Variants in BRSK1 observed in about 807,000 individuals in gnomAD.
BRSK1 encodes serine/threonine-protein kinase BRSK1.
BRSK1 carries 17 observed loss-of-function variants against 86.2 expected under a neutral mutation model. That is an observed-to-expected ratio of 0.20 (90% confidence interval 0.14 to 0.30). The LOEUF (loss-of-function observed/expected upper bound fraction) is 0.30. Among genes scored for constraint, BRSK1 ranks in the 10% least tolerant of loss-of-function variants. The pLI is 1.00. For missense variants in BRSK1, 719 were observed against 1,071.9 expected, an observed-to-expected ratio of 0.67 and a Z score of 4.60; for synonymous variants, 464 against 440.1, an observed-to-expected ratio of 1.05 and a Z score of -0.68.
chr19:55,296,234 C>T (rs1178652822), intron 7 of BRSK1, among the ~76,000 whole-genome samples: 1 of 152,052 alleles, frequency 6.6e-6, no homozygotes, highest in Non-Finnish European at 1.5e-5. Flanking sequence ...CATTTTGTTG[C>T]CTAATTCGTT....
rs1009474954 is a variant in BRSK1 at position 55,303,514 on chromosome 19, G to C, written c.1126+106G>C. On this transcript the variant is annotated intron_variant, in intron 11 of 18. Transcript: ENST00000309383. This position sits in a 1 kb window ranked among gnomAD's most constrained non-coding sequence, Gnocchi z 5.1. ...GGAAAGAAGGGGCTGCAGGCTCTGA[G>C]CTTCCAGCTTTAGACTGCTTGACTT... 140 of 1,483,904 alleles carry C rather than the reference G, an allele frequency of 9.4e-5. 1 individual carries two copies. The highest frequency in any genetic ancestry group is 8.8e-4 in the Middle Eastern group (5 of 5,708). 91.9% of individuals were successfully genotyped at this position (1,483,904 alleles called of 1,614,324 possible).
chr19:55,311,819 G>A (rs1016414811), intron 18 of BRSK1, 92 bp from the exon 19 acceptor site: 94 of 1,370,818 alleles, frequency 6.9e-5, no homozygotes, highest in Middle Eastern at 1.8e-4. Context: ...TACTGAGACC[G>A]ACTGATGAGG....
chr19:55,291,851 C>G (rs2088411368), intron 4 of BRSK1, among the ~76,000 whole-genome samples: 1 of 152,222 alleles, frequency 6.6e-6, no homozygotes, highest in African/African-American at 2.4e-5. Context: ...CTCCACCTCC[C>G]AGGTTCGAGC....
chr19:55,294,469 C>T lies in BRSK1; in HGVS notation c.678+72C>T. ...GGTGGGAGCATAGGACAGTACCTTC[C>T]ATCCTCAGGTCATCTCCTGAATTTA... is the stretch of plus-strand genomic sequence containing the variant. On this transcript the variant is annotated intron_variant, in intron 7 of 18. Coordinates refer to ENST00000309383, the MANE Select transcript of BRSK1 (RefSeq NM_032430.2). This position sits in a 1 kb window ranked among gnomAD's most constrained non-coding sequence, Gnocchi z 4.9. The T allele has an allele frequency of 6.7e-7, 1 of 1,490,390 alleles. No individual in the cohort carries two copies. The highest frequency in any genetic ancestry group is 1.4e-5 in the African/African-American group (1 of 71,800). 92.3% of individuals were successfully genotyped at this position (1,490,390 alleles called of 1,614,324 possible). A position where few individuals can be genotyped will look rare whatever the true frequency, so the allele number is the denominator to read the frequency against.
chr19:55,309,617 A>G lies in BRSK1; in HGVS notation c.2179+889A>G, dbSNP rs545689031. On this transcript the variant is annotated intron_variant, in intron 18 of 18. Coordinates refer to ENST00000309383, the MANE Select transcript of BRSK1 (RefSeq NM_032430.2). Reference sequence around the variant, plus strand: ...GGGAACTCTCTGGGGCCTCTTTCCTAAGGACACTAATCCCATTCATGAAGG... The same window carrying G: ...GGGAACTCTCTGGGGCCTCTTTCCTGAGGACACTAATCCCATTCATGAAGG... Among the ~76,000 whole-genome samples the G allele has an allele frequency of 3.3e-5, 5 of 152,254 alleles. No homozygotes were observed. The East Asian group carries it at 9.7e-4, about 29-fold the overall frequency.
At position 55,306,285 on chromosome 19, in the gene BRSK1, A is replaced by G; in HGVS notation, c.1924A>G (p.Thr642Ala). ...CCTGAGTCACAGTGTGCTGTCACAG[A>G]CCAGCTTCAGGGCCGAGTACAAGGC... ...PSLSHSVLSQTSFRAEYKASG... is the reference protein window; with the variant it reads ...PSLSHSVLSQASFRAEYKASG... The change falls in exon 17 of 19, where the codon ACC (threonine) becomes GCC (alanine). Residue 642 changes from threonine (T) to alanine (A), a missense_variant. Coordinates refer to ENST00000309383, the MANE Select transcript of BRSK1 (RefSeq NM_032430.2). This position sits in a 1 kb window ranked among gnomAD's most constrained non-coding sequence, Gnocchi z 4.7. 2 of 1,614,084 alleles carry G rather than the reference A, an allele frequency of 1.2e-6. No homozygotes were observed. Among genetic ancestry groups the G allele is most frequent in the Non-Finnish European group, 1.7e-6 (2 of 1,180,030 alleles).
Position 55,301,953 on chromosome 19 carries a change from G to C in BRSK1, c.826-184G>C, listed in dbSNP as rs139235128. 6.7e-5 allele frequency: 57 copies of C among 852,280 alleles called. No individual in the cohort carries two copies. The East Asian group carries it at 1.3e-3, about 20-fold the overall frequency. 52.8% of individuals were successfully genotyped at this position (852,280 alleles called of 1,614,324 possible). ...ATGCGGCCGGTCCGGGGTACACGGA[G>C]ACCGCGCGTGCGCGGGGCGATGCAC... On this transcript the variant is annotated intron_variant, in intron 8 of 18. Transcript: ENST00000309383.
At position 55,294,998 on chromosome 19, in the gene BRSK1, C is replaced by T. The variant is rs1360703954; in HGVS notation, c.678+601C>T. ...TGTATCTTTAGTAGAGACGGGGTTT[C>T]ACCATGTTGGCCAGGTTGGTTTCGA... On this transcript the variant is annotated intron_variant, in intron 7 of 18. Coordinates refer to ENST00000309383, the MANE Select transcript of BRSK1 (RefSeq NM_032430.2). This position sits in a 1 kb window ranked among gnomAD's most constrained non-coding sequence, Gnocchi z 4.9. Among the ~76,000 whole-genome samples the T allele has an allele frequency of 1.3e-5, 2 of 152,170 alleles. No individual in the cohort carries two copies. Among genetic ancestry groups the T allele is most frequent in the Non-Finnish European group, 2.9e-5 (2 of 68,024 alleles).
rs377470339 is a variant in BRSK1 at position 55,294,125 on chromosome 19, C to T, written c.567C>T (p.Thr189=). The change falls in exon 5 of 19, where the codon ACC becomes ACT. Residue 189 remains threonine, a synonymous_variant. Coordinates refer to ENST00000309383, the MANE Select transcript of BRSK1 (RefSeq NM_032430.2). The surrounding 1 kb of genome is among the most constrained non-coding windows in gnomAD (Gnocchi z 4.9). ...SLQVGDSLLE[T]SCGSPHYACP... ...AGGTGGGGGACAGCCTCCTGGAGACCAGCTGCGGGTGAGTGGGGACTGGGC... is the reference window on the plus strand; with the variant it reads ...AGGTGGGGGACAGCCTCCTGGAGACTAGCTGCGGGTGAGTGGGGACTGGGC... 3.7e-6 allele frequency: 6 copies of T among 1,612,430 alleles called. No homozygotes were observed. Among genetic ancestry groups the T allele is most frequent in the Non-Finnish European group, 4.2e-6 (5 of 1,178,898 alleles).
chr19:55,288,708 C>G (rs961686173), intron 3 of BRSK1, among the ~76,000 whole-genome samples: 2 of 152,056 alleles, frequency 1.3e-5, no homozygotes, highest in East Asian at 3.9e-4. Context: ...GCGTCAGCCT[C>G]CCGAGTGGCT....
chr19:55,286,057 G>GT lies in BRSK1; in HGVS notation c.137-950_137-949insT, dbSNP rs1491462606. On this transcript the variant is annotated intron_variant, in intron 1 of 18. Transcript: ENST00000309383. ...GGAGGGGCTGGGGGTCTGGAGTGCT[G>GT]GGTCTGAGGGAGGAGGGGCTGGGGG... is the stretch of plus-strand genomic sequence containing the variant. 1.7e-4 allele frequency among the ~76,000 whole-genome samples: 20 copies of GT among 116,688 alleles called. 1 individual carries two copies. The highest frequency in any genetic ancestry group is 5.8e-4 in the South Asian group (2 of 3,442). 76.6% of individuals were successfully genotyped at this position (116,688 alleles called of 152,430 possible). A position where few individuals can be genotyped will look rare whatever the true frequency, so the allele number is the denominator to read the frequency against.
rs959543116 is a variant in BRSK1, at chr19:55,287,388, C to T, written c.317+89C>T. On this transcript the variant is annotated intron_variant, in intron 3 of 18. Transcript: ENST00000309383. The surrounding 1 kb of genome is among the most constrained non-coding windows in gnomAD (Gnocchi z 5.3). ...TCTCCAGAAACAGGGCCTAGGGGGACCTGGGGGACCTGCAGCTCTCCAGGC... is the reference window on the plus strand; with the variant it reads ...TCTCCAGAAACAGGGCCTAGGGGGATCTGGGGGACCTGCAGCTCTCCAGGC... 1 of 1,230,808 alleles carries T rather than the reference C, an allele frequency of 8.1e-7. No homozygotes were observed. Among genetic ancestry groups the T allele is most frequent in the Non-Finnish European group, 1.2e-6 (1 of 845,488 alleles). The allele number at this position is 1,230,808 out of a possible 1,614,324, so 76.2% of individuals were successfully genotyped here. A position where few individuals can be genotyped will look rare whatever the true frequency, so the allele number is the denominator to read the frequency against.
In BRSK1 at chr19:55,284,530, T is replaced by G; in HGVS notation, c.88T>G (p.Tyr30Asp). 3.2e-6 allele frequency: 2 copies of G among 623,184 alleles called. No homozygotes were observed. Among genetic ancestry groups the G allele is most frequent in the Non-Finnish European group, 2.2e-6 (1 of 458,342 alleles). The allele number at this position is 623,184 out of a possible 1,614,324, so 38.6% of individuals were successfully genotyped here. Reference protein sequence around the residue: ...PHPHPPQHAQYVGPYRLEKTL... With the variant: ...PHPHPPQHAQDVGPYRLEKTL... ...CCCCCACCCACCCCAGCACGCCCAA[T>G]ATGTGGGCCCCTATCGGCTGGAGAA... is the stretch of plus-strand genomic sequence containing the variant. Residue 30 changes from tyrosine to aspartate, a missense_variant, in exon 1 of 19, where the codon TAT becomes GAT. Coordinates refer to ENST00000309383, the MANE Select transcript of BRSK1 (RefSeq NM_032430.2).
Position 55,302,993 on chromosome 19 carries a change from C to G in BRSK1, c.1028+126C>G. Reference sequence around the variant, plus strand: ...ATGGGGCATGGTTTGAAGCTCCCGCCTGGGAGTGATGGAACCAGCGGAGAA... The same window carrying G: ...ATGGGGCATGGTTTGAAGCTCCCGCGTGGGAGTGATGGAACCAGCGGAGAA... On this transcript the variant is annotated intron_variant, in intron 10 of 18. Coordinates refer to ENST00000309383, the MANE Select transcript of BRSK1 (RefSeq NM_032430.2). The surrounding 1 kb of genome is among the most constrained non-coding windows in gnomAD (Gnocchi z 6.3). 7.7e-7 allele frequency: 1 copy of G among 1,298,774 alleles called. No homozygotes were observed. The highest frequency in any genetic ancestry group is 2.5e-5 in the East Asian group (1 of 39,658). 80.5% of individuals were successfully genotyped at this position (1,298,774 alleles called of 1,614,324 possible). A position where few individuals can be genotyped will look rare whatever the true frequency, so the allele number is the denominator to read the frequency against.
chr19:55,303,764 C>G lies in BRSK1; in HGVS notation c.1224C>G (p.Ala408=), dbSNP rs375730605. ...TGGAAGTCCTGAGCATCACCGATGC[C>G]GGGGGTGGTGGCTCCCCTGTACCCA... ...KSMEVLSITD[A]GGGGSPVPTR... Residue 408 remains alanine (A), a synonymous_variant, in exon 12 of 19, where the codon GCC becomes GCG. Transcript: ENST00000309383. The surrounding 1 kb of genome is among the most constrained non-coding windows in gnomAD (Gnocchi z 5.1). 3 of 1,612,796 alleles carry G rather than the reference C, an allele frequency of 1.9e-6. No homozygotes were observed. The highest frequency in any genetic ancestry group is 2.7e-5 in the African/African-American group (2 of 74,862).
chr19:55,307,691 GA>G (rs944663288), intron 17 of BRSK1, among the ~76,000 whole-genome samples: 7 of 149,482 alleles, frequency 4.7e-5, no homozygotes, highest in Admixed American at 6.7e-5. Flanking sequence ...AGGAGTTTGA[GA>G]CCAGCCTGAG....
rs1436086679 is a variant in BRSK1, at chr19:55,302,477, C to T, written c.858-220C>T. On this transcript the variant is annotated intron_variant, in intron 9 of 18. Transcript: ENST00000309383. This position sits in a 1 kb window ranked among gnomAD's most constrained non-coding sequence, Gnocchi z 6.3. Reference sequence around the variant, plus strand: ...CTTCTGGGTCTGAAGAAGGAGGGGCCGGGGGCCTGGACCCCTCGGTCGGAG... The same window carrying T: ...CTTCTGGGTCTGAAGAAGGAGGGGCTGGGGGCCTGGACCCCTCGGTCGGAG... The T allele has an allele frequency of 9.8e-6, 6 of 612,870 alleles. No homozygotes were observed. Among genetic ancestry groups the T allele is most frequent in the Non-Finnish European group, 1.7e-5 (6 of 360,856 alleles). 38.0% of individuals were successfully genotyped at this position (612,870 alleles called of 1,614,324 possible). A position where few individuals can be genotyped will look rare whatever the true frequency, so the allele number is the denominator to read the frequency against.
At chr19:55,311,812 T>G in intron 18 of BRSK1, 99 bp from the exon 19 acceptor site, 6 of 1,309,974 alleles carry the variant, frequency 4.6e-6, no homozygotes, top group Non-Finnish European at 6.3e-6. Flanking sequence ...TCGGGGTTAC[T>G]GAGACCGACT....
At chr19:55,299,470 C>T (rs778507667) in intron 7 of BRSK1, among the ~76,000 whole-genome samples, 2 of 151,148 alleles carry the variant, frequency 1.3e-5, no homozygotes, top group Non-Finnish European at 3.0e-5. Context: ...ACTGCAGCCT[C>T]CGCCTCCTGG....
Sources: gnomAD v4.1 joint callset for allele counts (sites outside exome capture counted in the v4.1 genomes callset) on GRCh38, gnomAD v4.1.1 for gene constraint, Gnocchi (gnomAD v3.1) non-coding constraint, MANE v1.5 for transcripts, NCBI Gene and HGNC (gene_info 2026-07-23, HGNC 2026-07-21) for gene names.